Variants in CLEC7A observed in about 807,000 individuals in gnomAD.
The protein encoded by CLEC7A is C-type lectin domain family 7 member A.
Under a neutral mutation model 26.9 loss-of-function variants are expected in CLEC7A, and 25 were observed. The ratio of observed to expected loss-of-function variants is 0.93; its 90% CI spans 0.68 to 1.30. CLEC7A has a LOEUF of 1.30. Ranked by LOEUF, CLEC7A falls within the 50% of genes most tolerant of loss-of-function variation. The probability of loss-of-function intolerance (pLI) is 0.00; values close to 1 mark genes in which losing one functional copy is unlikely to be tolerated. For missense variants in CLEC7A, 275 were observed against 286.7 expected (o/e 0.96, Z 0.29); for synonymous variants, 100 against 99.5 (o/e 1.01, Z -0.03).
chr12:10,125,369 G>T lies in CLEC7A; in HGVS notation c.420C>A (p.Ser140=). 3 of 1,613,486 alleles carry T rather than the reference G, an allele frequency of 1.9e-6. No individual in the cohort carries two copies. Among genetic ancestry groups the T allele is most frequent in the Non-Finnish European group, 2.5e-6 (3 of 1,179,830 alleles). Residue 140 remains serine (S), a synonymous_variant, in exon 4 of 6, where the codon TCC becomes TCA. Transcript: ENST00000304084. ...SCYLFSMSLN[S]WDGSKRQCWQ... ...AGCATTGTCTTTTACTTCCATCCCAGGAATTTAGTGACATGCTGAATAGAT... is the reference window on the plus strand; with the variant it reads ...AGCATTGTCTTTTACTTCCATCCCATGAATTTAGTGACATGCTGAATAGAT...
intron 4 of CLEC7A, among the ~76,000 whole-genome samples, 169 bp from the exon 5 acceptor site, chr12:10,123,532 C>T (rs201574007): frequency 4.6e-5 from 7 of 151,684 alleles, no homozygotes; most frequent in Admixed American, 4.6e-4. Context: ...GAGGCCGAGG[C>T]GGGTAGATCA....
Position 10,118,409 on chromosome 12 carries a change from GTCC to G in CLEC7A, c.*46_*48del, listed in dbSNP as rs1201065097. ...GTTACTCTTTTCTGTTCTGTTTTCT[GTCC>G]TCCTTACTACCTCACATATTTCTCT... On this transcript the variant is annotated 3_prime_UTR_variant, in exon 6 of 6. Transcript: ENST00000304084. 2 of 1,539,656 alleles carry G rather than the reference GTCC, an allele frequency of 1.3e-6. No individual in the cohort carries two copies. Among genetic ancestry groups the G allele is most frequent in the East Asian group, 2.3e-5 (1 of 44,186 alleles).
intron 1 of CLEC7A, among the ~76,000 whole-genome samples, chr12:10,128,698 C>T (rs1948390208): frequency 6.6e-6 from 1 of 152,134 alleles, no homozygotes; most frequent in Non-Finnish European, 1.5e-5. Flanking sequence ...AGACTGCTAG[C>T]ACATGATAGG....
chr12:10,127,027 C>T (rs530204727), intron 2 of CLEC7A: 2 of 1,392,644 alleles, frequency 1.4e-6, no homozygotes, highest in African/African-American at 2.9e-5. Context: ...TTTGAAATAG[C>T]AACATCTTTC....
At chr12:10,124,705 TC>T in intron 4 of CLEC7A, 1 of 152,284 alleles carries the variant, frequency 6.6e-6, no homozygotes, top group Non-Finnish European at 1.5e-5. Context: ...CTACTTTACT[TC>T]CACCATATTT....
At chr12:10,123,967 TC>T (rs1948190624) in intron 4 of CLEC7A, among the ~76,000 whole-genome samples, 1 of 152,150 alleles carries the variant, frequency 6.6e-6, no homozygotes, top group African/African-American at 2.4e-5. Flanking sequence ...CAGATGACAG[TC>T]CCCCTAGGCA....
At chr12:10,129,515 T>C (rs1948418217) in intron 1 of CLEC7A, among the ~76,000 whole-genome samples, 1 of 152,240 alleles carries the variant, frequency 6.6e-6, no homozygotes, top group African/African-American at 2.4e-5. Context: ...GTGCATTCAA[T>C]TTATCTTCAG....
chr12:10,121,775 T>C (rs1482408979), intron 5 of CLEC7A, among the ~76,000 whole-genome samples: 1 of 152,012 alleles, frequency 6.6e-6, no homozygotes, highest in African/African-American at 2.4e-5. Context: ...GAATAGCAAA[T>C]TTAAAACAAA....
At chr12:10,126,922 AAAAAAG>A in intron 2 of CLEC7A, 28 of 862,226 alleles carry the variant, frequency 3.2e-5, no homozygotes, top group African/African-American at 5.3e-5. Context: ...AGTAAAAAAA[AAAAAAG>A]AAAAGAAAAA....
chr12:10,119,060 A>G (rs1215793313), intron 5 of CLEC7A, among the ~76,000 whole-genome samples: 1 of 152,238 alleles, frequency 6.6e-6, no homozygotes, highest in African/African-American at 2.4e-5. Context: ...AGGCAGGGCA[A>G]ACAACTCTGT....
chr12:10,122,947 G>A (rs1405659423), intron 5 of CLEC7A, among the ~76,000 whole-genome samples: 1 of 152,072 alleles, frequency 6.6e-6, no homozygotes, highest in Non-Finnish European at 1.5e-5. Flanking sequence ...TACACTGACT[G>A]ACAGTGACTG....
chr12:10,118,940 G>A (rs905355285), intron 5 of CLEC7A, among the ~76,000 whole-genome samples: 4 of 151,926 alleles, frequency 2.6e-5, no homozygotes, highest in African/African-American at 9.7e-5. Context: ...TCAAGTAACA[G>A]TTTAATTAAA....
At chr12:10,124,569 T>C (rs76668641) in intron 4 of CLEC7A, among the ~76,000 whole-genome samples, 3,172 of 152,302 alleles carry the variant, frequency 0.021, 108 homozygotes, top group African/African-American at 0.073. Context: ...TGTCCTGTGA[T>C]AGCAGGGTTA....
At chr12:10,124,065 T>A (rs1273707331) in intron 4 of CLEC7A, among the ~76,000 whole-genome samples, 1 of 152,208 alleles carries the variant, frequency 6.6e-6, no homozygotes, top group Non-Finnish European at 1.5e-5. Context: ...TTCTCAGAGT[T>A]AGGTAACAAC....
rs142662684 is a variant in CLEC7A, at chr12:10,125,665, A to G, written c.341-217T>C. ...ATTTAAAAACAAACTAGCTATAAATAGTATTTTAGGCAGCCAACCATCCTT... is the reference window on the plus strand; with the variant it reads ...ATTTAAAAACAAACTAGCTATAAATGGTATTTTAGGCAGCCAACCATCCTT... On this transcript the variant is annotated intron_variant, in intron 3 of 5. Transcript: ENST00000304084. Among the ~76,000 whole-genome samples the G allele has an allele frequency of 7.2e-3, 1,098 of 152,330 alleles. 18 individuals carry two copies. Among genetic ancestry groups the G allele is most frequent in the African/African-American group, 0.025 (1,032 of 41,586 alleles).
At chr12:10,126,409 T>C in intron 3 of CLEC7A, 162 bp downstream of exon 3, 1 of 978,390 alleles carries the variant, frequency 1.0e-6, no homozygotes, top group Non-Finnish European at 1.2e-6. Flanking sequence ...TTATTGTATA[T>C]ATGACAGGGA....
At chr12:10,123,394 A>AAGAGAG (rs748416724) in intron 4 of CLEC7A, 31 bp from the exon 5 acceptor site, 2 of 1,081,948 alleles carry the variant, frequency 1.8e-6, no homozygotes, top group Non-Finnish European at 1.4e-6. Flanking sequence ...ATATATAATA[A>AAGAGAG]AGAGAGAGAG....
chr12:10,121,442 C>T (rs1948083139), intron 5 of CLEC7A, among the ~76,000 whole-genome samples: 1 of 152,084 alleles, frequency 6.6e-6, no homozygotes, highest in Admixed American at 6.5e-5. Context: ...AAGATTTCAA[C>T]ACAATTCTTT....
Position 10,123,310 on chromosome 12 carries a change from G to T in CLEC7A, c.546C>A (p.Gly182=). The T allele has an allele frequency of 6.2e-7, 1 of 1,613,470 alleles. No homozygotes were observed. The highest frequency in any genetic ancestry group is 8.5e-7 in the Non-Finnish European group (1 of 1,179,494). The change falls in exon 5 of 6, where the codon GGC becomes GGA. Residue 182 remains glycine (G), a synonymous_variant. Transcript: ENST00000304084. Reference sequence around the variant, plus strand: ...GTACCTCAGTCTGGGGCCGAGAAAGGCCTATCCAAAATGAATTATCAGGTT... The same window carrying T: ...GTACCTCAGTCTGGGGCCGAGAAAGTCCTATCCAAAATGAATTATCAGGTT... The part of the protein sequence containing the change: ...SSQPDNSFWI[G]LSRPQTEVPW...
Sources: gnomAD v4.1 joint callset for allele counts (sites outside exome capture counted in the v4.1 genomes callset) on GRCh38, gnomAD v4.1.1 for gene constraint, MANE v1.5 for transcripts, NCBI Gene and HGNC (gene_info 2026-07-23, HGNC 2026-07-21) for gene names.